GALNT17: variants seen among roughly 807,000 people sequenced by gnomAD.
GALNT17 encodes the protein UDP-GalNAc:polypeptide N-acetylgalactosaminyltransferase-like 3.
In GALNT17, 29 loss-of-function variants were observed where a neutral mutation model predicts 63.7. That is an observed-to-expected ratio of 0.46 (90% CI 0.34 to 0.62). GALNT17 has a LOEUF of 0.62. Among genes scored for constraint, GALNT17 ranks in the 20% least tolerant of loss-of-function variants. GALNT17 has a pLI of 0.01. For missense variants in GALNT17, 603 were observed against 799.6 expected (o/e 0.75, Z 2.97); for synonymous variants, 305 against 318.3 (o/e 0.96, Z 0.45).
At chr7:71,412,423 A>G (rs1288216745) in intron 3 of GALNT17, among the ~76,000 whole-genome samples, 1 of 150,484 alleles carries the variant, frequency 6.6e-6, no homozygotes, top group Non-Finnish European at 1.5e-5. Flanking sequence ...GAGGCTTGAG[A>G]GCAGTGGAGC....
intron 9 of GALNT17, among the ~76,000 whole-genome samples, chr7:71,706,147 A>G (rs1370393663): frequency 6.6e-6 from 1 of 152,180 alleles, no homozygotes; most frequent in Non-Finnish European, 1.5e-5. Context: ...AAAAGGAGGC[A>G]AGTATTGGTC....
At chr7:71,134,322 T>C (rs1008520870) in intron 1 of GALNT17, among the ~76,000 whole-genome samples, 1 of 152,184 alleles carries the variant, frequency 6.6e-6, no homozygotes, top group Non-Finnish European at 1.5e-5. Flanking sequence ...AACAGAAATA[T>C]GTGGAATTGC....
At chr7:71,251,504 G>T (rs1362559162) in intron 1 of GALNT17, among the ~76,000 whole-genome samples, 1 of 152,028 alleles carries the variant, frequency 6.6e-6, no homozygotes, top group African/African-American at 2.4e-5. Context: ...TGAACTCCTG[G>T]GTTCAAGCAG....
intron 5 of GALNT17, among the ~76,000 whole-genome samples, chr7:71,551,852 T>C (rs1221933103): frequency 6.6e-6 from 1 of 151,524 alleles, no homozygotes; most frequent in Admixed American, 6.6e-5. Context: ...CTGCCTCTAG[T>C]GAGAATTTTT....
intron 1 of GALNT17, among the ~76,000 whole-genome samples, chr7:71,321,653 G>A (rs1434387426): frequency 7.5e-6 from 1 of 133,740 alleles, no homozygotes; most frequent in Non-Finnish European, 1.6e-5. Context: ...TGTCACGCAG[G>A]CTGGAGTGCA....
intron 6 of GALNT17, among the ~76,000 whole-genome samples, chr7:71,586,044 A>G (rs1443658819): frequency 6.6e-6 from 1 of 151,894 alleles, no homozygotes; most frequent in Non-Finnish European, 1.5e-5. Context: ...AGTAGCTGGG[A>G]CTACAGGCGC....
At chr7:71,172,586 A>G (rs1029778397) in intron 1 of GALNT17, among the ~76,000 whole-genome samples, 7 of 152,092 alleles carry the variant, frequency 4.6e-5, no homozygotes, top group African/African-American at 1.2e-4. Context: ...CCCCAGAGCA[A>G]TGGATAGAGG....
At chr7:71,617,202 G>A (rs1431969709) in intron 6 of GALNT17, among the ~76,000 whole-genome samples, 1 of 147,700 alleles carries the variant, frequency 6.8e-6, no homozygotes, top group Non-Finnish European at 1.5e-5. Context: ...GTGCAGATTT[G>A]TTACATGGGA....
rs573574193 is a variant in GALNT17, at chr7:71,210,553, G to A, written c.238+77513G>A. ...TGGGTAATAAAGCAGTTTTGCAATT[G>A]TTAGTAGAATATTATAATTTAACTA... On this transcript the variant is annotated intron_variant, in intron 1 of 10. Coordinates refer to ENST00000333538, the MANE Select transcript of GALNT17 (RefSeq NM_022479.3). 2.0e-5 allele frequency among the ~76,000 whole-genome samples: 3 copies of A among 152,308 alleles called. No homozygotes were observed. The South Asian group carries it at 6.2e-4, about 32-fold the overall frequency.
intron 1 of GALNT17, among the ~76,000 whole-genome samples, chr7:71,298,878 T>C (rs1191167714): frequency 6.6e-6 from 1 of 152,108 alleles, no homozygotes; most frequent in Non-Finnish European, 1.5e-5. Context: ...TTTTAAAAAG[T>C]CATAGCTGCC....
chr7:71,462,117 T>C (rs531572171), intron 5 of GALNT17, among the ~76,000 whole-genome samples: 1 of 152,260 alleles, frequency 6.6e-6, no homozygotes, highest in East Asian at 1.9e-4. Context: ...CTCCAGCTAC[T>C]CAGCCACCCA....
intron 2 of GALNT17, among the ~76,000 whole-genome samples, chr7:71,342,870 T>C (rs1792029630): frequency 6.6e-6 from 1 of 152,200 alleles, no homozygotes; most frequent in Non-Finnish European, 1.5e-5. Flanking sequence ...AAATTTCAAT[T>C]AAACAATAAA....
intron 1 of GALNT17, among the ~76,000 whole-genome samples, chr7:71,201,314 A>G (rs1424522406): frequency 2.7e-5 from 4 of 149,856 alleles, no homozygotes; most frequent in African/African-American, 9.9e-5. Context: ...TTTTCCAGTC[A>G]TATTGGCTTT....
intron 1 of GALNT17, among the ~76,000 whole-genome samples, chr7:71,275,881 C>T (rs756024611): frequency 6.6e-6 from 1 of 152,244 alleles, no homozygotes; most frequent in Non-Finnish European, 1.5e-5. Context: ...CCTGGGAGAT[C>T]GTGGGTCTTC....
chr7:71,218,111 A>G (rs1323420966), intron 1 of GALNT17, among the ~76,000 whole-genome samples: 1 of 152,156 alleles, frequency 6.6e-6, no homozygotes, highest in South Asian at 2.1e-4. Context: ...TAAAAATGGT[A>G]GGCCGGGCGT....
At chr7:71,528,530 G>C (rs979806260) in intron 5 of GALNT17, among the ~76,000 whole-genome samples, 2 of 152,088 alleles carry the variant, frequency 1.3e-5, no homozygotes, top group Admixed American at 1.3e-4. Context: ...TCTCATCCTG[G>C]GACCCAGGCC....
intron 1 of GALNT17, among the ~76,000 whole-genome samples, chr7:71,195,685 C>G (rs138752102): frequency 0.015 from 2,263 of 152,010 alleles, 90 homozygotes; most frequent in East Asian, 0.096. Flanking sequence ...GTAGCTGGGA[C>G]TACAGGCACA....
chr7:71,147,459 G>C (rs1445186464), intron 1 of GALNT17, among the ~76,000 whole-genome samples: 1 of 152,048 alleles, frequency 6.6e-6, no homozygotes, highest in Non-Finnish European at 1.5e-5. Context: ...TCCAAATTAA[G>C]GGTGGATCTG....
chr7:71,210,837 A>G (rs1318955643), intron 1 of GALNT17, among the ~76,000 whole-genome samples: 1 of 152,188 alleles, frequency 6.6e-6, no homozygotes, highest in Non-Finnish European at 1.5e-5. Context: ...GGGAGACTGC[A>G]GGTGATGGAC....
Sources: gnomAD v4.1 joint callset for allele counts (sites outside exome capture counted in the v4.1 genomes callset) on GRCh38, gnomAD v4.1.1 for gene constraint, MANE v1.5 for transcripts, NCBI Gene and HGNC (gene_info 2026-07-23, HGNC 2026-07-21) for gene names.